The following POLA1 variants were observed in gnomAD, a reference collection of about 807,000 sequenced individuals.
POLA1 encodes DNA polymerase alpha 1, catalytic subunit, also known as DNA polymerase alpha catalytic subunit.
In POLA1, 15 loss-of-function variants were observed where a neutral mutation model predicts 124.0. That is an observed-to-expected ratio of 0.12 (90% CI 0.08 to 0.19). The LOEUF is 0.19. POLA1 is among the 10% of genes least tolerant of loss of function. The pLI is 1.00. For missense variants in POLA1, 886 were observed against 1,103.4 expected (o/e 0.80, Z 2.79); for synonymous variants, 408 against 389.4 (o/e 1.05, Z -0.56).
At chrX:24,930,427 T>G (rs1439733320) in intron 35 of POLA1, 26 bp from the exon 36 acceptor site, 2 of 929,717 alleles carry the variant, frequency 2.2e-6, no homozygotes, top group East Asian at 3.1e-5. Flanking sequence ...AGTAGTAGTA[T>G]TCATTTATTT....
chrX:24,850,414 A>C (rs2046542379), intron 34 of POLA1, among the ~76,000 whole-genome samples: 1 of 112,750 alleles, frequency 8.9e-6, no homozygotes. Context: ...AGTTCTAATA[A>C]GCAAATAAGT....
Position 24,788,788 on chromosome X carries a change from A to G in POLA1, c.2965-21110A>G, listed in dbSNP as rs1216598986. The G allele has an allele frequency of 3.3e-6, 4 of 1,199,483 alleles. No homozygotes were observed. The East Asian group carries it at 8.9e-5, about 27-fold the overall frequency. ...GGTCAATGTCATCATCATCTTTACT[A>G]TCTGTAGCTCCACTTCCTGTAGTGT... On this transcript the variant is annotated intron_variant, in intron 26 of 36. Transcript: ENST00000379068.
chrX:24,969,725 T>C (rs1453702057), intron 36 of POLA1, among the ~76,000 whole-genome samples: 1 of 110,711 alleles, frequency 9.0e-6, no homozygotes, highest in African/African-American at 3.3e-5. Flanking sequence ...ATGTGTGCCA[T>C]AGTGGTTTGC....
intron 26 of POLA1, among the ~76,000 whole-genome samples, chrX:24,806,090 T>G (rs2045795657): frequency 8.8e-5 from 5 of 56,565 alleles, no homozygotes; most frequent in Admixed American, 2.2e-4. Context: ...TTTTTTTTTT[T>G]TTTTTTTTTT....
intron 36 of POLA1, among the ~76,000 whole-genome samples, chrX:24,990,008 A>G (rs745374567): frequency 8.9e-6 from 1 of 111,995 alleles, no homozygotes; most frequent in East Asian, 2.8e-4. Flanking sequence ...TACCTCAATG[A>G]TGGCGCTTTT....
intron 35 of POLA1, among the ~76,000 whole-genome samples, chrX:24,911,323 G>A (rs1340431919): frequency 1.8e-5 from 2 of 111,293 alleles, no homozygotes; most frequent in Non-Finnish European, 3.8e-5. Flanking sequence ...AAGTTTTAAG[G>A]TATTGGTATA....
rs11573345 is a variant in POLA1 at position 24,724,835 on chromosome X, A to G, written c.1317+384A>G. 1.4e-3 allele frequency among the ~76,000 whole-genome samples: 161 copies of G among 112,141 alleles called. 2 individuals are homozygous for G. The East Asian group carries it at 0.043, about 30-fold the overall frequency. ...AAGTAAGGTTTTATTTTTAAAAGTC[A>G]GGGACTATGATACAGTCTGATAGAA... On this transcript the variant is annotated intron_variant, in intron 12 of 36. Coordinates refer to ENST00000379068, the MANE Select transcript of POLA1 (RefSeq NM_001330360.2).
chrX:24,921,545 AACAGTGCCTTCGCATGT>A (rs752636673), intron 35 of POLA1, among the ~76,000 whole-genome samples: 2 of 112,203 alleles, frequency 1.8e-5, no homozygotes, highest in South Asian at 7.5e-4. Context: ...TAGCAGCTAG[AACAGTGCCTTCGCATGT>A]AGTAGATTCT....
chrX:24,880,124 T>C (rs992676086), intron 34 of POLA1, among the ~76,000 whole-genome samples: 2 of 111,881 alleles, frequency 1.8e-5, no homozygotes, highest in African/African-American at 6.5e-5. Flanking sequence ...CCACTTGTAG[T>C]GCTATTCTGT....
chrX:24,913,060 AT>A (rs2047472826), intron 35 of POLA1, among the ~76,000 whole-genome samples: 1 of 112,432 alleles, frequency 8.9e-6, no homozygotes, highest in Non-Finnish European at 1.9e-5. Flanking sequence ...CTGAATTCAT[AT>A]ATGAATGTTT....
chrX:24,807,866 G>A (rs778070344), intron 26 of POLA1, among the ~76,000 whole-genome samples: 1 of 111,880 alleles, frequency 8.9e-6, no homozygotes, highest in South Asian at 3.8e-4. Context: ...AAGGAATTCC[G>A]GGTAGGAGAC....
intron 36 of POLA1, among the ~76,000 whole-genome samples, chrX:24,975,008 T>G (rs773146232): frequency 1.8e-5 from 2 of 111,943 alleles, no homozygotes; most frequent in Admixed American, 1.9e-4. Context: ...GGTCTTTGGG[T>G]GGCTACTTTG....
At chrX:24,984,654 C>CTTTTTT (rs72426448) in intron 36 of POLA1, among the ~76,000 whole-genome samples, 2 of 78,712 alleles carry the variant, frequency 2.5e-5, no homozygotes, top group African/African-American at 5.1e-5. Flanking sequence ...ACCTTTTGCA[C>CTTTTTT]TTTTTTTTTT....
chrX:24,888,750 A>G (rs756937670), intron 35 of POLA1, among the ~76,000 whole-genome samples: 3 of 105,333 alleles, frequency 2.8e-5, no homozygotes, highest in East Asian at 6.0e-4. Context: ...TAATTTTTCT[A>G]TTTTTAGTAG....
chrX:24,849,647 T>TTC (rs1408966381), intron 34 of POLA1, among the ~76,000 whole-genome samples: 1 of 104,363 alleles, frequency 9.6e-6, no homozygotes, highest in Admixed American at 1.0e-4. Flanking sequence ...TTTTTTTTTT[T>TTC]TCGAGACGGA....
chrX:24,826,531 C>T lies in POLA1; in HGVS notation c.3666C>T (p.Ile1222=). The change falls in exon 32 of 37, where the codon ATC becomes ATT. Residue 1222 remains isoleucine (I), a synonymous_variant. Coordinates refer to ENST00000379068, the MANE Select transcript of POLA1 (RefSeq NM_001330360.2). ...CCCAGTACTACCTGGCCCAGCAGAT[C>T]CACCCAGTCGTGGCTCGGATCTGTG... ...IDTQYYLAQQ[I]HPVVARICEP... The T allele has an allele frequency of 8.3e-7, 1 of 1,206,555 alleles. No homozygotes were observed.
At chrX:24,936,455 A>T (rs2047849630) in intron 36 of POLA1, among the ~76,000 whole-genome samples, 1 of 112,382 alleles carries the variant, frequency 8.9e-6, no homozygotes, top group African/African-American at 3.2e-5. Context: ...AATATTAAAA[A>T]GAAGACTGTG....
intron 36 of POLA1, among the ~76,000 whole-genome samples, chrX:24,992,603 G>T (rs1280116674): frequency 8.9e-6 from 1 of 112,522 alleles, no homozygotes; most frequent in Non-Finnish European, 1.9e-5. Context: ...AAAATAACCA[G>T]TAGGCGATGT....
chrX:24,942,087 A>G (rs181993474), intron 36 of POLA1, among the ~76,000 whole-genome samples: 24 of 112,028 alleles, frequency 2.1e-4, no homozygotes, highest in Admixed American at 4.7e-4. Context: ...AGAAGTACCA[A>G]TACTTCTGAC....
Sources: gnomAD v4.1 joint callset for allele counts (sites outside exome capture counted in the v4.1 genomes callset) on GRCh38, gnomAD v4.1.1 for gene constraint, MANE v1.5 for transcripts, NCBI Gene and HGNC (gene_info 2026-07-23, HGNC 2026-07-21) for gene names.